ANO1: variants seen among roughly 807,000 people sequenced by gnomAD.
ANO1 encodes the protein anoctamin-1.
ANO1 carries 59 observed loss-of-function variants against 124.0 expected under a neutral mutation model. The ratio of observed to expected loss-of-function variants is 0.48; its 90% CI spans 0.39 to 0.59. The LOEUF is 0.59. Among genes scored for constraint, ANO1 ranks in the 20% least tolerant of loss-of-function variants. The probability of loss-of-function intolerance (pLI) is 0.00; values close to 1 mark genes in which losing one functional copy is unlikely to be tolerated. For missense variants in ANO1, 1,059 were observed against 1,328.0 expected (o/e 0.80, Z 3.15); for synonymous variants, 529 against 532.0 (o/e 0.99, Z 0.08).
intron 1 of ANO1, among the ~76,000 whole-genome samples, chr11:70,055,081 T>C (rs1436737347): frequency 3.3e-5 from 5 of 152,242 alleles, no homozygotes; most frequent in African/African-American, 1.2e-4. Flanking sequence ...CCTTTTGTTA[T>C]TGGTCTTTAC....
chr11:70,152,604 C>T lies in ANO1; in HGVS notation c.1353+143C>T, dbSNP rs77701718. ...GGGGTCTCTGCTTTCTCCCCACCTC[C>T]GGTCTCTCCTAACCTGTTCTTTCCT... On this transcript the variant is annotated intron_variant, in intron 13 of 25. Coordinates refer to ENST00000355303, the MANE Select transcript of ANO1 (RefSeq NM_018043.7). 0.011 allele frequency: 10,444 copies of T among 984,514 alleles called. 511 individuals carry two copies. The East Asian group carries it at 0.12, about 12-fold the overall frequency. 61.0% of individuals were successfully genotyped at this position (984,514 alleles called of 1,614,324 possible).
At chr11:69,995,844 C>A (rs782615166) in intron 1 of ANO1, among the ~76,000 whole-genome samples, 1 of 152,172 alleles carries the variant, frequency 6.6e-6, no homozygotes, top group Admixed American at 6.5e-5. Flanking sequence ...CAGTGGCTCA[C>A]GTCTGTAATC....
chr11:70,036,897 G>A (rs953917502), intron 1 of ANO1, among the ~76,000 whole-genome samples: 1 of 152,338 alleles, frequency 6.6e-6, no homozygotes, highest in African/African-American at 2.4e-5. Flanking sequence ...GTGAGCCACC[G>A]TGCCTAGCCT....
intron 1 of ANO1, among the ~76,000 whole-genome samples, chr11:70,023,001 C>G (rs1555002769): frequency 1.3e-5 from 2 of 152,172 alleles, no homozygotes; most frequent in African/African-American, 4.8e-5. Flanking sequence ...GGCCACAAGG[C>G]AAGGACTGCA....
rs762404959 is a variant in ANO1, at chr11:70,182,492, C to T, written c.2404-10C>T. ...TGGGGGTCCCCCTCACTGCCATGTC[C>T]CCTGCACAGGCCTTCGTGATCTCCT... On this transcript the variant is annotated splice_polypyrimidine_tract_variant and intron_variant, in intron 23 of 25. Coordinates refer to ENST00000355303, the MANE Select transcript of ANO1 (RefSeq NM_018043.7). The T allele has an allele frequency of 1.9e-6, 3 of 1,556,980 alleles. No homozygotes were observed. In the Admixed American group the frequency reaches 5.6e-5, roughly 29 times the overall value.
At chr11:70,116,638 C>T (rs770025376) in intron 8 of ANO1, 139 bp downstream of exon 8, 19 of 708,636 alleles carry the variant, frequency 2.7e-5, no homozygotes, top group Non-Finnish European at 4.0e-5. Flanking sequence ...GGCTGAGAAG[C>T]GGGTGTCCCC....
chr11:70,028,483 C>A (rs1463133603), intron 1 of ANO1, among the ~76,000 whole-genome samples: 1 of 152,120 alleles, frequency 6.6e-6, no homozygotes, highest in African/African-American at 2.4e-5. Context: ...CTGCCTGATC[C>A]CTGACAGGCC....
At chr11:70,168,635 G>T (rs978196311) in intron 21 of ANO1, among the ~76,000 whole-genome samples, 4 of 150,096 alleles carry the variant, frequency 2.7e-5, no homozygotes, top group African/African-American at 1.0e-4. Context: ...TCCTGCAGAG[G>T]GGGGGTCCCA....
At chr11:70,168,128 G>A (rs1369679898) in intron 21 of ANO1, among the ~76,000 whole-genome samples, 1 of 152,312 alleles carries the variant, frequency 6.6e-6, no homozygotes, top group East Asian at 1.9e-4. Context: ...AAGAGGCCAG[G>A]TGTGGTCCGC....
chr11:70,131,136 C>T (rs1267912702), intron 10 of ANO1, among the ~76,000 whole-genome samples: 3 of 152,156 alleles, frequency 2.0e-5, no homozygotes, highest in African/African-American at 7.2e-5. Context: ...CTAGAAGTGG[C>T]TCAAGGATAG....
chr11:70,143,787 A>T (rs1270537256), intron 11 of ANO1, among the ~76,000 whole-genome samples: 1 of 152,216 alleles, frequency 6.6e-6, no homozygotes, highest in African/African-American at 2.4e-5. Context: ...ACATTAACAC[A>T]TAAGGGGAAT....
At chr11:70,069,700 G>A (rs566266876) in intron 1 of ANO1, among the ~76,000 whole-genome samples, 36 of 152,290 alleles carry the variant, frequency 2.4e-4, no homozygotes, top group South Asian at 4.1e-4. Context: ...TTTGGAAAAC[G>A]ATAATCTACG....
rs193071990 is a variant in ANO1 at position 70,111,295 on chromosome 11, C to T, written c.800-412C>T. The T allele has an allele frequency of 1.7e-5, 8 of 469,470 alleles. No individual in the cohort carries two copies. The East Asian group carries it at 4.6e-4, about 27-fold the overall frequency. The allele number at this position is 469,470 out of a possible 1,614,324, so 29.1% of individuals were successfully genotyped here. On this transcript the variant is annotated intron_variant, in intron 6 of 25. Transcript: ENST00000355303. Reference sequence around the variant, plus strand: ...CAATTTTTCCATCCGTATATTTCCTCATGATTCAGCTTCTCTAACCACTTA... The same window carrying T: ...CAATTTTTCCATCCGTATATTTCCTTATGATTCAGCTTCTCTAACCACTTA...
At position 69,995,760 on chromosome 11, in the gene ANO1, G is replaced by A. The variant is rs138757251; in HGVS notation, c.58+9594G>A. On this transcript the variant is annotated intron_variant, in intron 1 of 27. Coordinates refer to the ANO1 transcript ENST00000531349. ...ACTTATCACTGCTGGTATGGACCCCGATCACCTGGCTGCTTCTCCACCGTC... is the reference window on the plus strand; with the variant it reads ...ACTTATCACTGCTGGTATGGACCCCAATCACCTGGCTGCTTCTCCACCGTC... Among the ~76,000 whole-genome samples, 769 of 152,232 alleles carry A rather than the reference G, an allele frequency of 5.1e-3. 12 individuals carry two copies. Among genetic ancestry groups the A allele is most frequent in the Admixed American group, 0.012 (190 of 15,292 alleles).
intron 1 of ANO1, among the ~76,000 whole-genome samples, chr11:70,000,682 C>T (rs782709418): frequency 3.3e-5 from 5 of 151,452 alleles, no homozygotes; most frequent in Middle Eastern, 3.3e-3. Flanking sequence ...AATGCACACA[C>T]ATCCAAAGCC....
At chr11:70,058,787 T>C (rs1434168223) in intron 1 of ANO1, among the ~76,000 whole-genome samples, 1 of 152,142 alleles carries the variant, frequency 6.6e-6, no homozygotes, top group African/African-American at 2.4e-5. Flanking sequence ...AGATCATTAG[T>C]CCATTCTACC....
At chr11:70,126,314 C>T in intron 10 of ANO1, 119 bp downstream of exon 10, 1 of 1,306,012 alleles carries the variant, frequency 7.7e-7, no homozygotes, top group Non-Finnish European at 1.0e-6. Flanking sequence ...CACATGAAAC[C>T]TCACGCCAAG....
At chr11:70,122,789 C>G (rs1166393999) in intron 8 of ANO1, among the ~76,000 whole-genome samples, 1 of 152,134 alleles carries the variant, frequency 6.6e-6, no homozygotes, top group Non-Finnish European at 1.5e-5. Context: ...TCTCCTCCTT[C>G]CCTCCTCCTC....
chr11:70,170,150 G>A (rs1373645775), intron 21 of ANO1: 4 of 456,414 alleles, frequency 8.8e-6, no homozygotes, highest in East Asian at 6.9e-5. Context: ...TTGGGCTCTG[G>A]AAGATTCAGC....
Sources: allele counts gnomAD v4.1 joint callset (sites outside exome capture counted in the v4.1 genomes callset), GRCh38; gene constraint gnomAD v4.1.1; transcripts MANE v1.5; gene names NCBI Gene and HGNC (gene_info 2026-07-23, HGNC 2026-07-21).